Variants in LARP1B observed in about 807,000 individuals in gnomAD.
LARP1B encodes the protein la-related protein 1B.
LARP1B carries 76 observed loss-of-function variants against 114.2 expected under a neutral mutation model. The observed-to-expected ratio is 0.67, with a 90% confidence interval of 0.55 to 0.81. LARP1B has a LOEUF of 0.81. LARP1B is among the 30% of genes least tolerant of loss of function. LARP1B has a pLI of 0.00. For synonymous variants in LARP1B, 345 were observed against 348.0 expected (o/e 0.99, Z 0.10); for missense variants, 1,014 against 1,075.8 (o/e 0.94, Z 0.80).
chr4:128,169,593 TTCTC>T (rs1046815919), intron 12 of LARP1B, among the ~76,000 whole-genome samples: 1 of 152,120 alleles, frequency 6.6e-6, no homozygotes, highest in African/African-American at 2.4e-5. Flanking sequence ...GCATTTAATA[TTCTC>T]TCTCTATCTC....
intron 9 of LARP1B, among the ~76,000 whole-genome samples, chr4:128,111,316 G>A (rs920796988): frequency 8.6e-5 from 13 of 151,930 alleles, no homozygotes; most frequent in Non-Finnish European, 1.6e-4. Context: ...CAAAGTGCTG[G>A]GATTATAGGC....
chr4:128,183,810 A>G (rs1460494802), intron 15 of LARP1B, among the ~76,000 whole-genome samples: 3 of 152,242 alleles, frequency 2.0e-5, no homozygotes, highest in African/African-American at 7.2e-5. Flanking sequence ...TTGGTGATTC[A>G]TAGGAGGAAG....
chr4:128,061,197 C>G (rs1031081836), upstream of LARP1B: 1 of 152,190 alleles, frequency 6.6e-6, no homozygotes, highest in African/African-American at 2.4e-5. Flanking sequence ...CGTCAGCTCC[C>G]GCGGGAGGCC....
At chr4:128,217,049 T>A (rs1338634428) in intron 6 of LARP1B, among the ~76,000 whole-genome samples, 3 of 150,152 alleles carry the variant, frequency 2.0e-5, no homozygotes, top group Non-Finnish European at 4.4e-5. Context: ...CTAGAAGAAA[T>A]GGATACATTC....
intron 11 of LARP1B, among the ~76,000 whole-genome samples, chr4:128,153,292 C>CATTTATTTATTTATTTATTT (rs36202530): frequency 7.1e-6 from 1 of 140,892 alleles, no homozygotes; most frequent in Non-Finnish European, 1.5e-5. Context: ...CTTGGTTTGC[C>CATTTATTTATTTATTTATTT]ATTTATTTAT....
At position 128,199,359 on chromosome 4, in the gene LARP1B, G is replaced by GA. The variant is rs920649549; in HGVS notation, c.2004-73dup. 2.1e-5 allele frequency: 25 copies of GA among 1,189,278 alleles called. No individual in the cohort carries two copies. The African/African-American group carries it at 3.4e-4, about 16-fold the overall frequency. 73.7% of individuals were successfully genotyped at this position (1,189,278 alleles called of 1,614,324 possible). A position where few individuals can be genotyped will look rare whatever the true frequency, so the allele number is the denominator to read the frequency against. ...TTCCACTGCTTAGACCCCCAATAAT[G>GA]AAAAAAATAGTACAAATTGGTTCAT... On this transcript the variant is annotated intron_variant, in intron 15 of 19. Transcript: ENST00000326639.
chr4:128,180,192 T>C (rs1027187997), intron 15 of LARP1B, among the ~76,000 whole-genome samples: 14 of 152,136 alleles, frequency 9.2e-5, no homozygotes, highest in African/African-American at 3.4e-4. Flanking sequence ...CCTCAAGCAG[T>C]CCTCCTACCT....
At chr4:128,138,225 CA>C (rs1226633568) in intron 11 of LARP1B, among the ~76,000 whole-genome samples, 2 of 151,694 alleles carry the variant, frequency 1.3e-5, no homozygotes, top group South Asian at 2.1e-4. Flanking sequence ...CTTATCATAA[CA>C]AAAAAAGAAA....
At position 128,188,923 on chromosome 4, in the gene LARP1B, T is replaced by C. The variant is rs559265874; in HGVS notation, c.2003+9411T>C. 2.6e-5 allele frequency among the ~76,000 whole-genome samples: 4 copies of C among 152,368 alleles called. No individual in the cohort carries two copies. The South Asian group carries it at 8.3e-4, about 32-fold the overall frequency. ...ATGTTTTGTAGCCTAACATATGTTT[T>C]ATCCTGGAGAATGTTCCATGTGCTA... On this transcript the variant is annotated intron_variant, in intron 15 of 19. Transcript: ENST00000326639.
chr4:128,105,662 C>A (rs754454835), intron 8 of LARP1B, among the ~76,000 whole-genome samples: 2 of 152,018 alleles, frequency 1.3e-5, no homozygotes, highest in Non-Finnish European at 2.9e-5. Flanking sequence ...GAGGCCGAGG[C>A]GGGTGGATCA....
chr4:128,069,561 A>G (rs1041325278), intron 1 of LARP1B: 1 of 739,550 alleles, frequency 1.4e-6, no homozygotes, highest in Non-Finnish European at 2.5e-6. Context: ...ACCAACTCTC[A>G]GAAGAAAGTG....
chr4:128,134,166 A>C (rs954681600), intron 11 of LARP1B, among the ~76,000 whole-genome samples: 2 of 152,048 alleles, frequency 1.3e-5, no homozygotes, highest in Non-Finnish European at 2.9e-5. Context: ...ACACCTGGGT[A>C]ATTAATGAAT....
rs1561012375 is a variant in LARP1B at position 128,065,317 on chromosome 4, CTCTCTCTCTCTCT to C, written c.-78+3917_-78+3929del. On this transcript the variant is annotated intron_variant, in intron 1 of 19. Transcript: ENST00000326639. ...TCTTTCTTTCTTTCTTTCTTTCTTT[CTCTCTCTCTCTCT>C]CTTTCCTTTCTTTTCTTTTCTTTTC... 4.1e-4 allele frequency among the ~76,000 whole-genome samples: 32 copies of C among 77,124 alleles called. No individual in the cohort carries two copies. The South Asian group carries it at 4.5e-3, about 11-fold the overall frequency. The allele number at this position is 77,124 out of a possible 152,430, so 50.6% of individuals were successfully genotyped here. A position where few individuals can be genotyped will look rare whatever the true frequency, so the allele number is the denominator to read the frequency against.
chr4:128,104,247 A>G (rs1367125901), intron 8 of LARP1B, among the ~76,000 whole-genome samples: 1 of 152,112 alleles, frequency 6.6e-6, no homozygotes, highest in Non-Finnish European at 1.5e-5. Context: ...AGTCAGTACC[A>G]CTGCTTTCCC....
At chr4:128,129,164 C>CAAAAAAAAAAAAAAAAAAAAA (rs559312234) in intron 11 of LARP1B, among the ~76,000 whole-genome samples, 1 of 49,152 alleles carries the variant, frequency 2.0e-5, no homozygotes, top group African/African-American at 9.7e-5. Context: ...GACTCTGTCT[C>CAAAAAAAAAAAAAAAAAAAAA]AAAAAAAAAA....
intron 15 of LARP1B, among the ~76,000 whole-genome samples, chr4:128,199,029 G>A (rs777463264): frequency 4.3e-4 from 66 of 152,240 alleles, no homozygotes; most frequent in South Asian, 2.7e-3. Flanking sequence ...TGAAATTATT[G>A]CCCATCTTTG....
chr4:128,071,288 C>T (rs1312098366), intron 1 of LARP1B, among the ~76,000 whole-genome samples: 6 of 151,996 alleles, frequency 3.9e-5, no homozygotes, highest in South Asian at 2.1e-4. Context: ...CCTCGTGATC[C>T]GCCACCTCGG....
At chr4:128,065,309 C>CTTTCTTTG (rs1208761494) in intron 1 of LARP1B, among the ~76,000 whole-genome samples, 4 of 98,220 alleles carry the variant, frequency 4.1e-5, no homozygotes, top group African/African-American at 1.5e-4. Context: ...TTCTTTCTTT[C>CTTTCTTTG]TTTCTTTCTC....
At chr4:128,093,586 ACT>A (rs1776648759) in intron 7 of LARP1B, among the ~76,000 whole-genome samples, 1 of 151,688 alleles carries the variant, frequency 6.6e-6, no homozygotes, top group African/African-American at 2.4e-5. Flanking sequence ...AAAGAGCCAG[ACT>A]CTGTCTCAAA....
Sources: allele counts gnomAD v4.1 joint callset (sites outside exome capture counted in the v4.1 genomes callset), GRCh38; gene constraint gnomAD v4.1.1; transcripts MANE v1.5; gene names NCBI Gene and HGNC (gene_info 2026-07-23, HGNC 2026-07-21).